RAP1GDS1: variants seen among roughly 807,000 people sequenced by gnomAD.
RAP1GDS1 encodes the protein RAP1, GTP-GDP dissociation stimulator 1.
Under a neutral mutation model 71.1 loss-of-function variants are expected in RAP1GDS1, and 35 were observed. That is an observed-to-expected ratio of 0.49 (90% CI 0.38 to 0.65). The LOEUF (loss-of-function observed/expected upper bound fraction) is 0.65. Among genes scored for constraint, RAP1GDS1 ranks in the 30% least tolerant of loss-of-function variants. The pLI, the probability that RAP1GDS1 is intolerant of heterozygous loss-of-function variation, is 0.00. For missense variants in RAP1GDS1, 663 were observed against 706.1 expected (o/e 0.94, Z 0.69); for synonymous variants, 229 against 243.1 (o/e 0.94, Z 0.54).
chr4:98,346,235 A>C (rs1736225121), intron 3 of RAP1GDS1, among the ~76,000 whole-genome samples: 1 of 152,138 alleles, frequency 6.6e-6, no homozygotes, highest in African/African-American at 2.4e-5. Context: ...TCATATTGCA[A>C]AGTGTTTATC....
intron 2 of RAP1GDS1, among the ~76,000 whole-genome samples, chr4:98,319,747 C>G (rs1476113992): frequency 6.0e-5 from 9 of 149,812 alleles, no homozygotes; most frequent in African/African-American, 2.2e-4. Context: ...TGCCACTGCC[C>G]TCCAGCCTGG....
At chr4:98,283,044 G>A (rs1161625095) in intron 1 of RAP1GDS1, among the ~76,000 whole-genome samples, 2 of 151,984 alleles carry the variant, frequency 1.3e-5, no homozygotes, top group Non-Finnish European at 2.9e-5. Flanking sequence ...CCTTTAAAAC[G>A]GTGAGAAACA....
At chr4:98,334,830 CTT>C (rs796454145) in intron 2 of RAP1GDS1, among the ~76,000 whole-genome samples, 2 of 130,506 alleles carry the variant, frequency 1.5e-5, no homozygotes, top group Non-Finnish European at 1.6e-5. Context: ...TCCTTTAATA[CTT>C]TTTTTTTTTT....
intron 3 of RAP1GDS1, among the ~76,000 whole-genome samples, chr4:98,344,517 A>G (rs1735958250): frequency 6.6e-6 from 1 of 152,158 alleles, no homozygotes; most frequent in Non-Finnish European, 1.5e-5. Context: ...TTTTTGTGAA[A>G]TGGATTGCCA....
At chr4:98,262,053 A>T (rs1365656716) in intron 1 of RAP1GDS1, among the ~76,000 whole-genome samples, 3 of 152,192 alleles carry the variant, frequency 2.0e-5, no homozygotes, top group Non-Finnish European at 4.4e-5. Context: ...CGGGCGGGGA[A>T]GTGGAAGCAA....
At chr4:98,333,693 T>G (rs1338990555) in intron 2 of RAP1GDS1, among the ~76,000 whole-genome samples, 1 of 152,082 alleles carries the variant, frequency 6.6e-6, no homozygotes, top group Non-Finnish European at 1.5e-5. Context: ...CAATTATACC[T>G]AGATTACTTA....
At chr4:98,334,338 C>T (rs1367624676) in intron 2 of RAP1GDS1, among the ~76,000 whole-genome samples, 1 of 152,104 alleles carries the variant, frequency 6.6e-6, no homozygotes, top group African/African-American at 2.4e-5. Context: ...CTTCCCCCAC[C>T]TTTGACTCAG....
At chr4:98,277,999 G>A (rs1296777618) in intron 1 of RAP1GDS1, among the ~76,000 whole-genome samples, 1 of 152,194 alleles carries the variant, frequency 6.6e-6, no homozygotes, top group East Asian at 1.9e-4. Flanking sequence ...GGCCAAGGCG[G>A]ATGTGTCACT....
At chr4:98,320,480 C>A (rs1221329878) in intron 2 of RAP1GDS1, among the ~76,000 whole-genome samples, 2 of 152,318 alleles carry the variant, frequency 1.3e-5, no homozygotes, top group Admixed American at 6.5e-5. Flanking sequence ...GTCTACAGCT[C>A]CCAGCGTGAG....
intron 2 of RAP1GDS1, among the ~76,000 whole-genome samples, chr4:98,303,879 T>C (rs1303907498): frequency 3.3e-5 from 5 of 151,830 alleles, no homozygotes; most frequent in Admixed American, 6.6e-5. Context: ...ACAGACCCCA[T>C]TGTGTGGTGT....
At chr4:98,295,688 C>T (rs1435507202) in intron 2 of RAP1GDS1, among the ~76,000 whole-genome samples, 1 of 152,040 alleles carries the variant, frequency 6.6e-6, no homozygotes, top group East Asian at 1.9e-4. Flanking sequence ...AAGCTTTTTG[C>T]TGAGTTCATG....
chr4:98,316,427 T>G (rs1730951899), intron 2 of RAP1GDS1, among the ~76,000 whole-genome samples: 1 of 152,174 alleles, frequency 6.6e-6, no homozygotes, highest in Non-Finnish European at 1.5e-5. Flanking sequence ...GGTGTCATAT[T>G]GTGGTGGATT....
chr4:98,290,161 A>G (rs182905377), intron 1 of RAP1GDS1, among the ~76,000 whole-genome samples: 4 of 152,280 alleles, frequency 2.6e-5, no homozygotes, highest in Non-Finnish European at 4.4e-5. Flanking sequence ...ACTTACTGGC[A>G]TATAGTAAAG....
intron 1 of RAP1GDS1, among the ~76,000 whole-genome samples, chr4:98,281,102 T>G (rs1725016676): frequency 6.6e-6 from 1 of 152,224 alleles, no homozygotes; most frequent in East Asian, 1.9e-4. Context: ...GGCTCTTTTT[T>G]GGTTTTATAT....
chr4:98,319,518 C>T (rs1217390882), intron 2 of RAP1GDS1, among the ~76,000 whole-genome samples: 1 of 151,962 alleles, frequency 6.6e-6, no homozygotes, highest in African/African-American at 2.4e-5. Context: ...TGGTGGCTCA[C>T]ACCTGTAATC....
At chr4:98,343,509 C>T (rs1386778518) in intron 3 of RAP1GDS1, among the ~76,000 whole-genome samples, 1 of 152,104 alleles carries the variant, frequency 6.6e-6, no homozygotes, top group Admixed American at 6.6e-5. Context: ...CTCAGCTATA[C>T]CTGTGTTATT....
At chr4:98,424,250 A>C (rs1749296799) in intron 12 of RAP1GDS1, among the ~76,000 whole-genome samples, 1 of 152,074 alleles carries the variant, frequency 6.6e-6, no homozygotes, top group African/African-American at 2.4e-5. Flanking sequence ...TGGAGTCATT[A>C]CCCTTAATCT....
rs1349096644 is a variant in RAP1GDS1, at chr4:98,412,235, A to G, written c.764-4510A>G. Among the ~76,000 whole-genome samples, 4 of 152,210 alleles carry G rather than the reference A, an allele frequency of 2.6e-5. No individual in the cohort carries two copies. The East Asian group carries it at 7.7e-4, about 29-fold the overall frequency. ...AGTTTAAATTTAAAAATTTCTGGCC[A>G]GGTACAGTGGCTCATGCCTGTAATC... On this transcript the variant is annotated intron_variant, in intron 7 of 14. Coordinates refer to ENST00000408927, the MANE Select transcript of RAP1GDS1 (RefSeq NM_001100427.2).
At chr4:98,409,806 A>G (rs1560976077) in intron 7 of RAP1GDS1, 4 of 311,736 alleles carry the variant, frequency 1.3e-5, no homozygotes, top group South Asian at 9.6e-5. Flanking sequence ...ATTAAAAAGT[A>G]TATAAAAAAT....
Sources: gnomAD v4.1 joint callset for allele counts (sites outside exome capture counted in the v4.1 genomes callset) on GRCh38, gnomAD v4.1.1 for gene constraint, MANE v1.5 for transcripts, NCBI Gene and HGNC (gene_info 2026-07-23, HGNC 2026-07-21) for gene names.